Variants in VPS37A observed in about 807,000 individuals in gnomAD.
VPS37A encodes vacuolar protein sorting-associated protein 37A.
A neutral mutation model predicts 49.8 loss-of-function variants in VPS37A; 30 were observed. The observed-to-expected ratio is 0.60, with a 90% CI of 0.45 to 0.82. The LOEUF (loss-of-function observed/expected upper bound fraction) is 0.82. Among genes scored for constraint, VPS37A ranks in the 40% least tolerant of loss-of-function variants. VPS37A has a pLI of 0.00. For synonymous variants in VPS37A, 195 were observed against 160.6 expected (o/e 1.21, Z -1.62); for missense variants, 593 against 464.4 (o/e 1.28, Z -2.55).
the VPS37A span, among the ~76,000 whole-genome samples, chr8:17,316,593 T>C: frequency 1.3e-5 from 2 of 152,124 alleles, no homozygotes; most frequent in Non-Finnish European, 2.9e-5. Flanking sequence ...GTTGGCCCTC[T>C]GTATTCTCGG....
chr8:17,276,106 A>G lies in VPS37A; in HGVS notation c.643-291A>G, dbSNP rs73208566. On this transcript the variant is annotated intron_variant, in intron 5 of 11. Coordinates refer to ENST00000324849, the MANE Select transcript of VPS37A (RefSeq NM_152415.3). ...GAGAGAAACATATTCATATATACCA[A>G]TGAAATCTACAGCCATGTACTTAGA... Among the ~76,000 whole-genome samples, 10,085 of 152,172 alleles carry G rather than the reference A, an allele frequency of 0.066. 463 individuals carry two copies. Among genetic ancestry groups the G allele is most frequent in the Non-Finnish European group, 0.099 (6,727 of 68,002 alleles).
rs192945731 is a variant in VPS37A at position 17,255,049 on chromosome 8, C to G, written c.125+7680C>G. Among the ~76,000 whole-genome samples, 645 of 152,344 alleles carry G rather than the reference C, an allele frequency of 4.2e-3. 21 individuals are homozygous for G. The highest frequency in any genetic ancestry group is 0.039 in the Admixed American group (601 of 15,302). On this transcript the variant is annotated intron_variant, in intron 1 of 11. Transcript: ENST00000324849. ...CTTGAGTTTCTCATCACACTGTATGCTCATTCAGAGCACAAAACACCCCAT... is the reference window on the plus strand; with the variant it reads ...CTTGAGTTTCTCATCACACTGTATGGTCATTCAGAGCACAAAACACCCCAT...
chr8:17,299,970 G>C (rs146319076), downstream of VPS37A: 2 of 1,614,000 alleles, frequency 1.2e-6, no homozygotes, highest in African/African-American at 2.7e-5. Flanking sequence ...CCTCCACCCC[G>C]GACTCTTGGT....
At chr8:17,300,314 C>T (rs1183306438), downstream of VPS37A, 7 of 1,335,742 alleles carry the variant, frequency 5.2e-6, no homozygotes, top group African/African-American at 1.5e-5. Context: ...TTACCTCCCA[C>T]GTGGGTATAA....
intron 9 of VPS37A, among the ~76,000 whole-genome samples, chr8:17,283,357 T>C (rs977573006): frequency 6.6e-6 from 1 of 152,170 alleles, no homozygotes; most frequent in African/African-American, 2.4e-5. Context: ...GGTCTCGCTA[T>C]GTTGCCCAGC....
At chr8:17,320,933 C>T in the VPS37A span, among the ~76,000 whole-genome samples, 1 of 152,234 alleles carries the variant, frequency 6.6e-6, no homozygotes, top group East Asian at 1.9e-4. Flanking sequence ...ACACATTCCA[C>T]TGCGTGAAGT....
the VPS37A span, among the ~76,000 whole-genome samples, chr8:17,325,271 A>G: frequency 1.3e-5 from 2 of 152,158 alleles, no homozygotes; most frequent in Non-Finnish European, 2.9e-5. Context: ...TGTGACCGTC[A>G]TACCCACCAC....
intron 4 of VPS37A, among the ~76,000 whole-genome samples, chr8:17,272,389 T>TA (rs926168349): frequency 6.6e-6 from 1 of 152,190 alleles, no homozygotes; most frequent in African/African-American, 2.4e-5. Context: ...TATTTTCAGA[T>TA]AAAAAATGTA....
the VPS37A span, among the ~76,000 whole-genome samples, chr8:17,332,743 T>C: frequency 6.6e-6 from 1 of 152,364 alleles, no homozygotes; most frequent in East Asian, 1.9e-4. Context: ...AGACTTGGCA[T>C]TGGCCCATGA....
chr8:17,288,524 T>G (rs1394932042), intron 11 of VPS37A, among the ~76,000 whole-genome samples: 1 of 152,214 alleles, frequency 6.6e-6, no homozygotes, highest in East Asian at 1.9e-4. Context: ...TCCAGCTTCG[T>G]CTGTGTCCCT....
chr8:17,286,005 G>T (rs1466299200), intron 10 of VPS37A, among the ~76,000 whole-genome samples: 2 of 152,042 alleles, frequency 1.3e-5, no homozygotes, highest in Non-Finnish European at 2.9e-5. Context: ...AAAATGAATT[G>T]GTGTCATGTG....
downstream of VPS37A, chr8:17,304,568 C>T (rs201061683): frequency 1.9e-6 from 3 of 1,576,362 alleles, no homozygotes; most frequent in Non-Finnish European, 2.6e-6. Context: ...GGTGCTTACA[C>T]ACAGTAGATA....
intron 6 of VPS37A, 61 bp from the exon 7 acceptor site, chr8:17,279,967 T>G (rs117491556): frequency 1.2e-6 from 2 of 1,603,534 alleles, no homozygotes; most frequent in Non-Finnish European, 1.7e-6. Context: ...TTGTAAATAG[T>G]TGTCATGGAG....
chr8:17,313,417 T>C, the VPS37A span: 7 of 1,563,064 alleles, frequency 4.5e-6, no homozygotes, highest in South Asian at 6.9e-5. Flanking sequence ...AGATAAATCA[T>C]GTTATAAAAG....
chr8:17,266,891 G>C (rs960239041), intron 2 of VPS37A, among the ~76,000 whole-genome samples: 2 of 152,102 alleles, frequency 1.3e-5, no homozygotes, highest in African/African-American at 4.8e-5. Context: ...TCCTGCCTCA[G>C]CTTCTTGAGT....
the VPS37A span, among the ~76,000 whole-genome samples, chr8:17,327,205 A>G: frequency 2.0e-5 from 3 of 152,226 alleles, no homozygotes; most frequent in Non-Finnish European, 2.9e-5. Context: ...ACTGTTAGAC[A>G]TTCATTCGGC....
chr8:17,285,270 G>A (rs943814407), intron 10 of VPS37A, among the ~76,000 whole-genome samples: 1 of 152,140 alleles, frequency 6.6e-6, no homozygotes, highest in Non-Finnish European at 1.5e-5. Flanking sequence ...GGTAGTATCT[G>A]TATCATTCTG....
intron 11 of VPS37A, among the ~76,000 whole-genome samples, chr8:17,288,282 T>C (rs1815804807): frequency 1.3e-5 from 2 of 152,204 alleles, no homozygotes; most frequent in Admixed American, 1.3e-4. Flanking sequence ...ACAGGTTTTT[T>C]ACATAGGTAT....
At chr8:17,254,765 G>A (rs1812284574) in intron 1 of VPS37A, among the ~76,000 whole-genome samples, 1 of 151,016 alleles carries the variant, frequency 6.6e-6, no homozygotes, top group South Asian at 2.1e-4. Flanking sequence ...AATCTGTTTT[G>A]TACTTCTATC....
Sources: gnomAD v4.1 joint callset for allele counts (sites outside exome capture counted in the v4.1 genomes callset) on GRCh38, gnomAD v4.1.1 for gene constraint, MANE v1.5 for transcripts, NCBI Gene and HGNC (gene_info 2026-07-23, HGNC 2026-07-21) for gene names.